Variants in VNN2 observed in about 807,000 individuals in gnomAD.
VNN2 encodes the protein pantetheine hydrolase VNN2.
Under a neutral mutation model 43.0 loss-of-function variants are expected in VNN2, and 43 were observed. That is an observed-to-expected ratio of 1.00 (90% CI 0.78 to 1.29). The LOEUF is 1.29. VNN2 is among the 50% of genes most tolerant of loss of function. The pLI, the probability that VNN2 is intolerant of heterozygous loss-of-function variation, is 0.00. For missense variants in VNN2, 652 were observed against 619.7 expected, an observed-to-expected ratio of 1.05 and a Z score of -0.55; for synonymous variants, 230 against 224.3, an observed-to-expected ratio of 1.03 and a Z score of -0.23.
chr6:132,761,178 T>G (rs1780729510), upstream of VNN2, among the ~76,000 whole-genome samples: 1 of 152,164 alleles, frequency 6.6e-6, no homozygotes. Flanking sequence ...ATTAAAATTT[T>G]TAGTTTAACT....
At position 132,763,227 on chromosome 6, in the gene VNN2, TA is replaced by T. The variant is rs76819413; in HGVS notation, c.-20+155del. Among the ~76,000 whole-genome samples, 796 of 143,518 alleles carry T rather than the reference TA, an allele frequency of 5.5e-3. 2 individuals carry two copies. The highest frequency in any genetic ancestry group is 0.015 in the Middle Eastern group (4 of 274). 94.2% of individuals were successfully genotyped at this position (143,518 alleles called of 152,430 possible). ...GAAAATATCATGGAAATCGCAGACT[TA>T]AAAAAAAAAAAGATAGATTAAAAAT... On this transcript the variant is annotated intron_variant, in intron 1 of 3. Coordinates refer to the VNN2 transcript ENST00000524919.
chr6:132,761,044 T>C (rs981712304), upstream of VNN2, among the ~76,000 whole-genome samples: 1 of 152,128 alleles, frequency 6.6e-6, no homozygotes, highest in Non-Finnish European at 1.5e-5. Context: ...ATCCCTGAGA[T>C]GTGAAGAAAA....
chr6:132,746,329 A>C (rs1262662202), intron 6 of VNN2, among the ~76,000 whole-genome samples: 1 of 152,252 alleles, frequency 6.6e-6, no homozygotes, highest in African/African-American at 2.4e-5. Flanking sequence ...GTGATCCTCT[A>C]AGATAACGTG....
upstream of VNN2, chr6:132,757,981 CT>C: frequency 4.1e-6 from 3 of 731,098 alleles, no homozygotes; most frequent in Non-Finnish European, 3.9e-6. Context: ...AGTTACTGGC[CT>C]TTTACTTTAT....
chr6:132,757,634 C>G, intron 1 of VNN2, 37 bp downstream of exon 1: 1 of 1,610,634 alleles, frequency 6.2e-7, no homozygotes, highest in Admixed American at 1.7e-5. Flanking sequence ...TCCCATGCCC[C>G]TCGTGTACAT....
rs374672193 is a variant in VNN2 at position 132,754,320 on chromosome 6, AAAG to A, written c.537+1520_537+1522del. ...AAGTGAAATGCAGTGATATATATGA[AAAG>A]AAGCTGTCAAAATCCACAAAATTAT... On this transcript the variant is annotated intron_variant, in intron 3 of 6. Coordinates refer to ENST00000326499, the MANE Select transcript of VNN2 (RefSeq NM_004665.6). Among the ~76,000 whole-genome samples, 282 of 152,342 alleles carry A rather than the reference AAAG, an allele frequency of 1.9e-3. 1 individual carries two copies. Among genetic ancestry groups the A allele is most frequent in the African/African-American group, 6.7e-3 (278 of 41,582 alleles).
At position 132,755,930 on chromosome 6, in the gene VNN2, G is replaced by T. The variant is rs864622023; in HGVS notation, c.450C>A (p.Asp150Glu). ...LGDKKPCNSR[D>E]STCPPNGYFQ... ...AGTAGCCATTAGGAGGACATGTGGAGTCACGGGAATTACATGGCTTTTTGT... is the reference window on the plus strand; with the variant it reads ...AGTAGCCATTAGGAGGACATGTGGATTCACGGGAATTACATGGCTTTTTGT... The change falls in exon 3 of 7, where the codon GAC becomes GAA. Residue 150 changes from aspartate to glutamate, a missense_variant. By Grantham distance (45) the Asp-to-Glu change is conservative (BLOSUM62 2). Transcript: ENST00000326499. The T allele has an allele frequency of 6.2e-7, 1 of 1,613,916 alleles. No homozygotes were observed. Among genetic ancestry groups the T allele is most frequent in the African/African-American group, 1.3e-5 (1 of 74,944 alleles).
chr6:132,752,971 CTCTT>C, intron 3 of VNN2: 1 of 481,822 alleles, frequency 2.1e-6, no homozygotes, highest in Non-Finnish European at 3.6e-6. Context: ...TCCCTTCTCT[CTCTT>C]TCCCTCTCTC....
At chr6:132,752,316 T>G in intron 4 of VNN2, 145 bp downstream of exon 4, 1 of 896,184 alleles carries the variant, frequency 1.1e-6, no homozygotes, top group Non-Finnish European at 1.6e-6. Flanking sequence ...TATAATCAAG[T>G]GCTAGCTTTT....
Position 132,751,459 on chromosome 6 carries a change from A to C in VNN2, c.886T>G (p.Leu296Val), listed in dbSNP as rs761866501. Reference protein sequence around the residue: ...KVYHYDMKTELGKLLLSEVDS... With the variant: ...KVYHYDMKTEVGKLLLSEVDS... ...ACCTCTGAAAGGAGAAGTTTTCCCAACTCTGTCTTCATGTCATAATGATAC... is the reference window on the plus strand; with the variant it reads ...ACCTCTGAAAGGAGAAGTTTTCCCACCTCTGTCTTCATGTCATAATGATAC... The change falls in exon 5 of 7, where the codon TTG (leucine) becomes GTG (valine). Residue 296 changes from leucine to valine, a missense_variant. Transcript: ENST00000326499. 6 of 1,613,924 alleles carry C rather than the reference A, an allele frequency of 3.7e-6. No homozygotes were observed. In the Admixed American group the frequency reaches 6.7e-5, roughly 18 times the overall value.
intron 3 of VNN2, chr6:132,753,456 G>T: frequency 2.2e-6 from 1 of 453,944 alleles, no homozygotes; most frequent in Middle Eastern, 3.3e-4. Context: ...TCTCTTTAGT[G>T]TCCCATCCAA....
At position 132,752,483 on chromosome 6, in the gene VNN2, A is replaced by T; in HGVS notation, c.804T>A (p.His268Gln). Residue 268 changes from histidine to glutamine, a missense_variant, in exon 4 of 7, where the codon CAT becomes CAA. His to Gln is a conservative substitution (Grantham distance 24). Coordinates refer to ENST00000326499, the MANE Select transcript of VNN2 (RefSeq NM_004665.6). The part of the protein sequence containing the change: ...MGVNLLVANT[H>Q]HVSLNMTGSG... Reference sequence around the variant, plus strand: ...TACCTGTCATATTTAGGCTGACATGATGTGTGTTGGCCACAAGAAGATTAA... The same window carrying T: ...TACCTGTCATATTTAGGCTGACATGTTGTGTGTTGGCCACAAGAAGATTAA... The T allele has an allele frequency of 6.2e-7, 1 of 1,613,976 alleles. No homozygotes were observed. Among genetic ancestry groups the T allele is most frequent in the Non-Finnish European group, 8.5e-7 (1 of 1,179,942 alleles).
At chr6:132,750,025 G>A (rs1221751041) in intron 5 of VNN2, among the ~76,000 whole-genome samples, 160 bp from the exon 6 acceptor site, 1 of 152,160 alleles carries the variant, frequency 6.6e-6, no homozygotes, top group African/African-American at 2.4e-5. Flanking sequence ...ATTAAAAATG[G>A]CCAGTGACTT....
Position 132,752,623 on chromosome 6 carries a change from T to C in VNN2, c.664A>G (p.Thr222Ala). 3.7e-6 allele frequency: 6 copies of C among 1,614,156 alleles called. No individual in the cohort carries two copies. Among genetic ancestry groups the C allele is most frequent in the Non-Finnish European group, 5.1e-6 (6 of 1,180,022 alleles). The change falls in exon 4 of 7, where the codon ACC (threonine) becomes GCC (alanine). Residue 222 changes from threonine to alanine, a missense_variant. Coordinates refer to ENST00000326499, the MANE Select transcript of VNN2 (RefSeq NM_004665.6). ...TCCACATGGAAATCTTTCACCAGGG[T>C]AACACCAGGATCATAGAAGAATATA... ...FDIFFYDPGVTLVKDFHVDTI... is the reference protein window; with the variant it reads ...FDIFFYDPGVALVKDFHVDTI...
chr6:132,748,562 G>A (rs541432360), intron 6 of VNN2, among the ~76,000 whole-genome samples: 1 of 152,268 alleles, frequency 6.6e-6, no homozygotes, highest in African/African-American at 2.4e-5. Context: ...TATAGAATAT[G>A]CAATGATTTC....
intron 2 of VNN2, among the ~76,000 whole-genome samples, chr6:132,756,577 G>A (rs940660553): frequency 6.6e-6 from 1 of 152,162 alleles, no homozygotes; most frequent in African/African-American, 2.4e-5. Context: ...AGTTGGCACA[G>A]TTAATTACAC....
At chr6:132,744,817 C>T (rs1201300779) in intron 6 of VNN2, among the ~76,000 whole-genome samples, 2 of 152,126 alleles carry the variant, frequency 1.3e-5, no homozygotes, top group African/African-American at 4.8e-5. Context: ...CCTCAAGAAG[C>T]TAAAGAGCTA....
At chr6:132,763,025 C>A (rs756001064) in intron 1 of VNN2, among the ~76,000 whole-genome samples, 1 of 152,148 alleles carries the variant, frequency 6.6e-6, no homozygotes, top group African/African-American at 2.4e-5. Flanking sequence ...CCAAAAGTTT[C>A]TTGCATTCAC....
At chr6:132,746,511 G>A (rs1296185504) in intron 6 of VNN2, among the ~76,000 whole-genome samples, 2 of 152,016 alleles carry the variant, frequency 1.3e-5, no homozygotes, top group East Asian at 3.9e-4. Flanking sequence ...CTAGAGAAAA[G>A]AAGCACTAAA....
Sources: allele counts gnomAD v4.1 joint callset (sites outside exome capture counted in the v4.1 genomes callset), GRCh38; gene constraint gnomAD v4.1.1; transcripts MANE v1.5; gene names NCBI Gene and HGNC (gene_info 2026-07-23, HGNC 2026-07-21).